ZBTB8OS: variants seen among roughly 807,000 people sequenced by gnomAD.
The protein encoded by ZBTB8OS is tRNA-splicing ligase-activating factor archease.
A neutral mutation model predicts 29.3 loss-of-function variants in ZBTB8OS; 16 were observed. The observed-to-expected ratio is 0.55, with a 90% CI of 0.37 to 0.83. The LOEUF is 0.83. Ranked by LOEUF, ZBTB8OS falls within the 40% of genes least tolerant of loss-of-function variation. The pLI is 0.00. For synonymous variants in ZBTB8OS, 70 were observed against 64.6 expected, an observed-to-expected ratio of 1.08 and a Z score of -0.40; for missense variants, 160 against 196.9, an observed-to-expected ratio of 0.81 and a Z score of 1.12.
chr1:32,638,238 T>C (rs1328251902), intron 1 of ZBTB8OS, among the ~76,000 whole-genome samples: 3 of 146,890 alleles, frequency 2.0e-5, no homozygotes, highest in Admixed American at 6.8e-5. Flanking sequence ...TTCTTTTTTT[T>C]TTTTTTTTTT....
At chr1:32,647,451 A>AT (rs1248332821) in intron 1 of ZBTB8OS, among the ~76,000 whole-genome samples, 7 of 151,554 alleles carry the variant, frequency 4.6e-5, no homozygotes, top group African/African-American at 1.7e-4. Flanking sequence ...AAAAAAAAAA[A>AT]AGAAAAGAAA....
intron 5 of ZBTB8OS, among the ~76,000 whole-genome samples, chr1:32,628,666 C>T (rs1267818732): frequency 6.8e-6 from 1 of 148,046 alleles, no homozygotes; most frequent in African/African-American, 2.5e-5. Flanking sequence ...TTCTAGTGGC[C>T]AGGCACAGTG....
intron 1 of ZBTB8OS, chr1:32,639,911 A>G (rs1646267625): frequency 6.6e-6 from 1 of 152,208 alleles, no homozygotes; most frequent in South Asian, 2.1e-4. Flanking sequence ...GAAGGAAAAT[A>G]CAGGAGCATT....
chr1:32,649,975 T>G (rs1647197339), intron 1 of ZBTB8OS, among the ~76,000 whole-genome samples: 1 of 152,152 alleles, frequency 6.6e-6, no homozygotes, highest in African/African-American at 2.4e-5. Flanking sequence ...AAAATAATCA[T>G]TTTTAAAAAT....
chr1:32,621,809 GGAA>G lies in ZBTB8OS; in HGVS notation c.*50_*52del. ...TTTAATTCATAGTGTCTTCTCAAAA[GGAA>G]GAGGAAAACAAAAACAGTTCTTCGT... is the stretch of plus-strand genomic sequence containing the variant. On this transcript the variant is annotated 3_prime_UTR_variant, in exon 7 of 7. Transcript: ENST00000468695. 8.0e-7 allele frequency: 1 copy of G among 1,244,436 alleles called. No homozygotes were observed. The highest frequency in any genetic ancestry group is 1.3e-5 in the South Asian group (1 of 75,654). The allele number at this position is 1,244,436 out of a possible 1,614,324, so 77.1% of individuals were successfully genotyped here.
chr1:32,624,880 T>G (rs1260582990), intron 6 of ZBTB8OS, among the ~76,000 whole-genome samples: 2 of 144,138 alleles, frequency 1.4e-5, no homozygotes, highest in African/African-American at 2.6e-5. Context: ...GGCAACAGAG[T>G]AAGACTCCAT....
intron 6 of ZBTB8OS, among the ~76,000 whole-genome samples, chr1:32,626,561 T>C (rs779487322): frequency 1.1e-4 from 16 of 152,136 alleles, no homozygotes; most frequent in Admixed American, 2.0e-4. Flanking sequence ...TTTTATTTTA[T>C]TTTTTTGAGA....
chr1:32,621,909 C>A lies in ZBTB8OS; in HGVS notation c.457G>T (p.Val153Phe), dbSNP rs773929207. 3 of 1,592,488 alleles carry A rather than the reference C, an allele frequency of 1.9e-6. No individual in the cohort carries two copies. The highest frequency in any genetic ancestry group is 1.2e-5 in the South Asian group (1 of 85,398). ...ACTTCCGGGTTCTCTTCATTATAGA[C>A]CTGCATTGCTGAATATGTTATTGCT... ...VKAITYSAMQ[V>F]YNEENPEVFV... The change falls in exon 7 of 7, where the codon GTC (valine) becomes TTC (phenylalanine). Residue 153 changes from valine (V) to phenylalanine (F), a missense_variant. Transcript: ENST00000468695.
chr1:32,641,725 A>G (rs1322969158), intron 1 of ZBTB8OS, among the ~76,000 whole-genome samples: 1 of 149,996 alleles, frequency 6.7e-6, no homozygotes, highest in African/African-American at 2.4e-5. Flanking sequence ...CATTCTGGCT[A>G]ACATGGTGAA....
intron 1 of ZBTB8OS, among the ~76,000 whole-genome samples, chr1:32,641,758 C>CAAA (rs891045366): frequency 7.6e-6 from 1 of 131,758 alleles, no homozygotes; most frequent in Admixed American, 7.7e-5. Context: ...CTAAAAAATA[C>CAAA]AAAAAAAAAA....
chr1:32,634,666 C>G lies in ZBTB8OS; in HGVS notation c.122+102G>C, dbSNP rs1016107398. ...CCATCATTTTCATATTGTGAAGGAA[C>G]CAAAATGAGAGGAGAAAAATTAAAG... On this transcript the variant is annotated intron_variant, in intron 2 of 6. Transcript: ENST00000468695. The G allele has an allele frequency of 6.1e-6, 9 of 1,477,074 alleles. No individual in the cohort carries two copies. The African/African-American group carries it at 7.0e-5, about 11-fold the overall frequency. 91.5% of individuals were successfully genotyped at this position (1,477,074 alleles called of 1,614,324 possible).
chr1:32,623,162 AAAGG>A (rs1211068963), intron 6 of ZBTB8OS, among the ~76,000 whole-genome samples: 2 of 152,214 alleles, frequency 1.3e-5, no homozygotes, highest in Non-Finnish European at 2.9e-5. Context: ...CCACACAAAA[AAAGG>A]AAGATTTCAC....
chr1:32,649,952 C>G (rs2148500392), intron 1 of ZBTB8OS, among the ~76,000 whole-genome samples: 1 of 152,240 alleles, frequency 6.6e-6, no homozygotes, highest in East Asian at 1.9e-4. Context: ...GCCTCAGCCA[C>G]CGAGCCCGGC....
At chr1:32,625,535 A>AAAAC (rs1210341060) in intron 6 of ZBTB8OS, among the ~76,000 whole-genome samples, 1 of 98,370 alleles carries the variant, frequency 1.0e-5, no homozygotes, top group African/African-American at 7.9e-5. Flanking sequence ...CTCCGTCTCA[A>AAAAC]AAACAAAACA....
chr1:32,646,533 G>A (rs918701420), intron 1 of ZBTB8OS, among the ~76,000 whole-genome samples: 5 of 151,124 alleles, frequency 3.3e-5, no homozygotes, highest in South Asian at 2.1e-4. Flanking sequence ...GACTACAGGC[G>A]CCCGCCACCT....
At chr1:32,646,912 G>A (rs1318103732) in intron 1 of ZBTB8OS, among the ~76,000 whole-genome samples, 2 of 148,718 alleles carry the variant, frequency 1.3e-5, no homozygotes, top group Admixed American at 1.3e-4. Flanking sequence ...TGTGGTGGTG[G>A]GCACCTGTAA....
At chr1:32,638,103 C>T (rs1229782088) in intron 1 of ZBTB8OS, among the ~76,000 whole-genome samples, 1 of 151,870 alleles carries the variant, frequency 6.6e-6, no homozygotes, top group Admixed American at 6.6e-5. Flanking sequence ...TCCCAAAGTG[C>T]TGGGATTACA....
intron 1 of ZBTB8OS, among the ~76,000 whole-genome samples, chr1:32,645,219 T>C (rs1646745988): frequency 6.9e-6 from 1 of 144,430 alleles, no homozygotes; most frequent in Admixed American, 6.8e-5. Flanking sequence ...TCCTTAGGGC[T>C]AGGTGCAGTA....
chr1:32,626,296 C>CAT (rs1645128997), intron 6 of ZBTB8OS, among the ~76,000 whole-genome samples: 1 of 152,090 alleles, frequency 6.6e-6, no homozygotes, highest in African/African-American at 2.4e-5. Context: ...AGGTTCATAG[C>CAT]CTAGGAGCAA....
Sources: allele counts gnomAD v4.1 joint callset (sites outside exome capture counted in the v4.1 genomes callset), GRCh38; gene constraint gnomAD v4.1.1; transcripts MANE v1.5; gene names NCBI Gene and HGNC (gene_info 2026-07-23, HGNC 2026-07-21).